Variants in EBF3 observed in about 807,000 individuals in gnomAD.
EBF3 encodes EBF transcription factor 3.
EBF3 carries 18 observed loss-of-function variants against 77.1 expected under a neutral mutation model. The observed-to-expected ratio is 0.23, with a 90% CI of 0.16 to 0.35. EBF3 has a LOEUF of 0.35. Among genes scored for constraint, EBF3 ranks in the 10% least tolerant of loss-of-function variants. The pLI, the probability that EBF3 is intolerant of heterozygous loss-of-function variation, is 1.00. For synonymous variants in EBF3, 350 were observed against 343.5 expected (o/e 1.02, Z -0.21); for missense variants, 558 against 860.0 (o/e 0.65, Z 4.39).
intron 6 of EBF3, among the ~76,000 whole-genome samples, chr10:129,887,786 G>A (rs867340711): frequency 6.6e-6 from 1 of 152,102 alleles, no homozygotes; most frequent in African/African-American, 2.4e-5. Context: ...TGGTGGGTTC[G>A]CACATGCCAG....
At chr10:129,918,002 C>A (rs998479357) in intron 6 of EBF3, among the ~76,000 whole-genome samples, 4 of 152,238 alleles carry the variant, frequency 2.6e-5, no homozygotes, top group Admixed American at 6.5e-5. Context: ...TGACTTCCTT[C>A]AACCCCCATC....
In EBF3 at chr10:129,873,546, T is replaced by G. The variant is rs1329847799; in HGVS notation, c.687A>C (p.Ser229=). 5 of 1,587,924 alleles carry G rather than the reference T, an allele frequency of 3.1e-6. No individual in the cohort carries two copies. The African/African-American group carries it at 6.7e-5, about 21-fold the overall frequency. Residue 229 remains serine, a synonymous_variant, in exon 8 of 17, where the codon TCA becomes TCC. Coordinates refer to ENST00000440978, the MANE Select transcript of EBF3 (RefSeq NM_001375380.1). ...VNVDGHVLAV[S]DNMFVHNNSK... The stretch of plus-strand genomic sequence containing the variant: ...AATTGTTGTGCACAAACATGTTGTC[T>G]GACACGGCCAGCACGTGGCCGTCCA...
At position 129,897,490 on chromosome 10, in the gene EBF3, G is replaced by C. The variant is rs1421018616; in HGVS notation, c.555-19641C>G. 6.6e-6 allele frequency among the ~76,000 whole-genome samples: 1 copy of C among 152,110 alleles called. No homozygotes were observed. The highest frequency in any genetic ancestry group is 2.4e-5 in the African/African-American group (1 of 41,426). ...GACTGGCTCCCCCTAAATCAAGGGGGGCCAGGCAGACCTAACAAACAGAGG... is the reference window on the plus strand; with the variant it reads ...GACTGGCTCCCCCTAAATCAAGGGGCGCCAGGCAGACCTAACAAACAGAGG... On this transcript the variant is annotated intron_variant, in intron 6 of 16. Coordinates refer to ENST00000440978, the MANE Select transcript of EBF3 (RefSeq NM_001375380.1). The surrounding 1 kb of genome is among the most constrained non-coding windows in gnomAD (Gnocchi z 4.6).
chr10:129,836,131 T>G lies in EBF3; in HGVS notation c.*1812A>C, dbSNP rs1219225419. On this transcript the variant is annotated 3_prime_UTR_variant, in exon 17 of 17. Coordinates refer to ENST00000440978, the MANE Select transcript of EBF3 (RefSeq NM_001375380.1). ...CGGGCTTGTGCTTTTTTGTGTGTGT[T>G]TGTGTGTTTTACACCATACATCTCC... is the stretch of plus-strand genomic sequence containing the variant. The G allele has an allele frequency of 6.5e-6, 1 of 152,746 alleles. No homozygotes were observed. Among genetic ancestry groups the G allele is most frequent in the East Asian group, 1.9e-4 (1 of 5,188 alleles). The allele number at this position is 152,746 out of a possible 1,614,324, so 9.5% of individuals were successfully genotyped here. A position where few individuals can be genotyped will look rare whatever the true frequency, so the allele number is the denominator to read the frequency against.
chr10:129,888,521 A>G (rs754245826), intron 6 of EBF3, among the ~76,000 whole-genome samples: 1 of 152,242 alleles, frequency 6.6e-6, no homozygotes, highest in Non-Finnish European at 1.5e-5. Flanking sequence ...TTGTCCAGCT[A>G]CTGATACCTG....
At chr10:129,855,913 C>G (rs1444761474) in intron 10 of EBF3, among the ~76,000 whole-genome samples, 1 of 152,180 alleles carries the variant, frequency 6.6e-6, no homozygotes, top group African/African-American at 2.4e-5. Context: ...AGCGGAAAAT[C>G]TGCACACAGA....
At chr10:129,873,028 C>T (rs930418622) in intron 8 of EBF3, among the ~76,000 whole-genome samples, 8 of 152,158 alleles carry the variant, frequency 5.3e-5, no homozygotes, top group Admixed American at 2.6e-4. Context: ...CACATGCACA[C>T]GCACTCCAGC....
At position 129,952,846 on chromosome 10, in the gene EBF3, G is replaced by T. The variant is rs748831262; in HGVS notation, c.554+4412C>A. ...AATCGGCATTAGGCCCAAATTACAC[G>T]ATATTAATACTTGAACAGGTGCAGA... On this transcript the variant is annotated intron_variant, in intron 6 of 16. Transcript: ENST00000440978. The surrounding 1 kb of genome is among the most constrained non-coding windows in gnomAD (Gnocchi z 4.7). Among the ~76,000 whole-genome samples the T allele has an allele frequency of 6.6e-6, 1 of 152,026 alleles. No homozygotes were observed. Among genetic ancestry groups the T allele is most frequent in the Admixed American group, 6.5e-5 (1 of 15,270 alleles).
intron 11 of EBF3, among the ~76,000 whole-genome samples, chr10:129,847,236 C>CTCTT (rs1476782566): frequency 6.6e-6 from 1 of 152,068 alleles, no homozygotes; most frequent in East Asian, 1.9e-4. Flanking sequence ...CCTGCCAAGG[C>CTCTT]ATGTGGTCTG....
chr10:129,960,364 G>A (rs1859411061), intron 4 of EBF3, among the ~76,000 whole-genome samples: 1 of 152,124 alleles, frequency 6.6e-6, no homozygotes, highest in Admixed American at 6.5e-5. Context: ...AAGGTTCCCC[G>A]CGAACCCCGC....
intron 6 of EBF3, among the ~76,000 whole-genome samples, chr10:129,915,314 G>T (rs566229812): frequency 7.7e-4 from 118 of 152,320 alleles, no homozygotes; most frequent in Admixed American, 1.4e-3. Context: ...ATGGCTGGGG[G>T]TTCCTCTTGT....
In EBF3 at chr10:129,879,537, T is replaced by A. The variant is rs1189998104; in HGVS notation, c.555-1688A>T. On this transcript the variant is annotated intron_variant, in intron 6 of 16. Coordinates refer to ENST00000440978, the MANE Select transcript of EBF3 (RefSeq NM_001375380.1). The surrounding 1 kb of genome is among the most constrained non-coding windows in gnomAD (Gnocchi z 4.7). ...CTGTGGCAGAAGAAAATCCAATTGA[T>A]GGGGGAAAGAGTGGTGGCCACTTAA... 6.6e-6 allele frequency among the ~76,000 whole-genome samples: 1 copy of A among 152,142 alleles called. No homozygotes were observed. Among genetic ancestry groups the A allele is most frequent in the Non-Finnish European group, 1.5e-5 (1 of 68,028 alleles).
rs368078346 is a variant in EBF3 at position 129,873,513 on chromosome 10, G to A, written c.720C>T (p.His240=). 21 of 1,594,376 alleles carry A rather than the reference G, an allele frequency of 1.3e-5. No homozygotes were observed. The highest frequency in any genetic ancestry group is 3.4e-5 in the South Asian group (3 of 88,430). ...DNMFVHNNSK[H]GRRARRLDPS... ...GGTCTAGGCGGCGGGCCCGCCTCCC[G>A]TGTTTGGAATTGTTGTGCACAAACA... Residue 240 remains histidine (H), a synonymous_variant, in exon 8 of 17, where the codon CAC becomes CAT. Transcript: ENST00000440978.
chr10:129,963,742 C>T lies in EBF3; in HGVS notation c.27G>A (p.Pro9=). The T allele has an allele frequency of 6.5e-7, 1 of 1,531,798 alleles. No individual in the cohort carries two copies. The highest frequency in any genetic ancestry group is 2.7e-5 in the East Asian group (1 of 37,422). The allele number at this position is 1,531,798 out of a possible 1,614,324, so 94.9% of individuals were successfully genotyped here. The change falls in exon 1 of 17, where the codon CCG becomes CCA. Residue 9 remains proline, a synonymous_variant. Coordinates refer to ENST00000440978, the MANE Select transcript of EBF3 (RefSeq NM_001375380.1). This position sits in a 1 kb window ranked among gnomAD's most constrained non-coding sequence, Gnocchi z 7.1. ...CCTCCTTCATGGTCGTCCCCCCGCG[C>T]GGAATATTCTCCTGAATCCCAAACA... MFGIQENI[P]RGGTTMKEEP...
rs1459337703 is a variant in EBF3, at chr10:129,842,074, G to C, written c.1372+42C>G. On this transcript the variant is annotated intron_variant, in intron 13 of 16. Transcript: ENST00000440978. This position sits in a 1 kb window ranked among gnomAD's most constrained non-coding sequence, Gnocchi z 4.4. ...CAGCTAAGGCCTCAACCAACCCTCG[G>C]AGGGCGTTCAGGGCAGGGGTCCTCC... 6.2e-7 allele frequency: 1 copy of C among 1,613,496 alleles called. No homozygotes were observed. The highest frequency in any genetic ancestry group is 8.5e-7 in the Non-Finnish European group (1 of 1,179,716).
intron 6 of EBF3, among the ~76,000 whole-genome samples, chr10:129,892,984 A>G (rs1253639860): frequency 2.6e-5 from 4 of 152,218 alleles, no homozygotes; most frequent in Admixed American, 2.6e-4. Context: ...TCTGGCACAC[A>G]CGGTTCGGAA....
intron 5 of EBF3, among the ~76,000 whole-genome samples, chr10:129,958,064 T>C (rs772964399): frequency 1.3e-5 from 2 of 152,260 alleles, no homozygotes; most frequent in African/African-American, 2.4e-5. Flanking sequence ...TCTATGTTAA[T>C]TGCAGTACAT....
chr10:129,957,144 A>C, intron 6 of EBF3, 114 bp downstream of exon 6: 1 of 924,876 alleles, frequency 1.1e-6, no homozygotes, highest in Non-Finnish European at 1.7e-6. Context: ...GGTGCAATGC[A>C]CAAGATGGGC....
At chr10:129,902,279 A>C (rs1854847093) in intron 6 of EBF3, among the ~76,000 whole-genome samples, 2 of 146,282 alleles carry the variant, frequency 1.4e-5, no homozygotes, top group African/African-American at 2.5e-5. Context: ...TACTTTCTCC[A>C]GCTTTGGGGT....
Sources: allele counts gnomAD v4.1 joint callset (sites outside exome capture counted in the v4.1 genomes callset), GRCh38; gene constraint gnomAD v4.1.1; non-coding constraint Gnocchi (gnomAD v3.1); transcripts MANE v1.5; gene names NCBI Gene and HGNC (gene_info 2026-07-23, HGNC 2026-07-21).